The following ADGRL2 variants were observed in gnomAD, a reference collection of about 807,000 sequenced individuals.
ADGRL2 encodes the protein adhesion G protein-coupled receptor L2.
In ADGRL2, 44 loss-of-function variants were observed where a neutral mutation model predicts 157.4. The observed-to-expected ratio is 0.28, with a 90% CI of 0.22 to 0.36. The LOEUF is 0.36. Ranked by LOEUF, ADGRL2 falls within the 10% of genes least tolerant of loss-of-function variation. The pLI, the probability that ADGRL2 is intolerant of heterozygous loss-of-function variation, is 1.00. For synonymous variants in ADGRL2, 585 were observed against 624.7 expected, an observed-to-expected ratio of 0.94 and a Z score of 0.95; for missense variants, 1,510 against 1,768.9, an observed-to-expected ratio of 0.85 and a Z score of 2.63.
chr1:81,859,231 T>C (rs1166946057), intron 2 of ADGRL2, among the ~76,000 whole-genome samples: 2 of 152,168 alleles, frequency 1.3e-5, no homozygotes, highest in Admixed American at 1.3e-4. Context: ...TGATTTTGTA[T>C]ACATGTATTT....
intron 3 of ADGRL2, among the ~76,000 whole-genome samples, chr1:81,650,022 A>C (rs1405532619): frequency 6.6e-6 from 1 of 150,644 alleles, no homozygotes; most frequent in Non-Finnish European, 1.5e-5. Flanking sequence ...TTGTGGGGTT[A>C]TTTGTGGGTG....
intron 1 of ADGRL2, among the ~76,000 whole-genome samples, chr1:81,343,386 G>A (rs1050561453): frequency 1.3e-5 from 2 of 151,812 alleles, no homozygotes; most frequent in African/African-American, 4.8e-5. Context: ...CACTGGGCCT[G>A]GCCAACAATC....
chr1:81,322,939 C>A (rs1033790176), intron 1 of ADGRL2, among the ~76,000 whole-genome samples: 1 of 150,940 alleles, frequency 6.6e-6, no homozygotes, highest in African/African-American at 2.4e-5. Flanking sequence ...CTCACTGCAA[C>A]CTCCCACTCT....
chr1:81,822,802 C>G (rs1297514258), intron 1 of ADGRL2, among the ~76,000 whole-genome samples: 1 of 152,052 alleles, frequency 6.6e-6, no homozygotes. Context: ...AATTCCTAAA[C>G]TTCATGGAGG....
intron 3 of ADGRL2, among the ~76,000 whole-genome samples, chr1:81,645,628 T>G (rs1379467666): frequency 6.6e-6 from 1 of 152,096 alleles, no homozygotes; most frequent in East Asian, 1.9e-4. Context: ...GAGAAGCATC[T>G]TTTTTTAACT....
chr1:81,906,417 A>G (rs142792988), intron 2 of ADGRL2, among the ~76,000 whole-genome samples: 3,691 of 152,248 alleles, frequency 0.024, 144 homozygotes, highest in African/African-American at 0.084. Context: ...GAGCAGTGCT[A>G]GCTCCTTTGA....
intron 2 of ADGRL2, among the ~76,000 whole-genome samples, chr1:81,551,170 C>A (rs2080136593): frequency 6.6e-6 from 1 of 152,090 alleles, no homozygotes; most frequent in African/African-American, 2.4e-5. Context: ...TAGGTGGAAA[C>A]TAGAATTTTT....
chr1:81,568,976 G>A (rs889755296), intron 2 of ADGRL2, among the ~76,000 whole-genome samples: 2 of 151,824 alleles, frequency 1.3e-5, no homozygotes, highest in African/African-American at 4.8e-5. Context: ...CTGATCTATC[G>A]CATCCCCTTT....
intron 1 of ADGRL2, among the ~76,000 whole-genome samples, chr1:81,822,742 T>C (rs1336797855): frequency 6.6e-6 from 1 of 152,138 alleles, no homozygotes; most frequent in Non-Finnish European, 1.5e-5. Context: ...TAATTTCACA[T>C]TTTGAGATAA....
intron 1 of ADGRL2, among the ~76,000 whole-genome samples, chr1:81,811,383 A>T (rs1040913609): frequency 6.6e-6 from 1 of 151,860 alleles, no homozygotes; most frequent in African/African-American, 2.4e-5. Flanking sequence ...GTCAGTATTT[A>T]CATGTTATCA....
At chr1:81,622,523 G>C (rs2081818082) in intron 3 of ADGRL2, among the ~76,000 whole-genome samples, 1 of 152,212 alleles carries the variant, frequency 6.6e-6, no homozygotes, top group Non-Finnish European at 1.5e-5. Context: ...GGAAGTTTCA[G>C]TGAGCCAAGA....
chr1:81,501,944 G>A lies in ADGRL2; in HGVS notation c.-248+56855G>A, dbSNP rs368866373. ...GGTCACGCAGCCGACTCTCTTTTCC[G>A]CCACAGCTGGGAGACCTTCTGGCAG... On this transcript the variant is annotated intron_variant, in intron 2 of 24. Transcript: ENST00000370721. 52 of 1,613,776 alleles carry A rather than the reference G, an allele frequency of 3.2e-5. No homozygotes were observed. The East Asian group carries it at 5.1e-4, about 16-fold the overall frequency.
intron 1 of ADGRL2, among the ~76,000 whole-genome samples, chr1:81,417,794 T>C (rs1325717249): frequency 6.6e-6 from 1 of 152,214 alleles, no homozygotes; most frequent in African/African-American, 2.4e-5. Context: ...ATTTGAATAT[T>C]ATCATAGTGT....
Position 81,943,609 on chromosome 1 carries a change from C to G in ADGRL2, c.1050C>G (p.Thr350=), listed in dbSNP as rs777492269. 6.2e-7 allele frequency: 1 copy of G among 1,613,620 alleles called. No homozygotes were observed. Among genetic ancestry groups the G allele is most frequent in the Admixed American group, 1.7e-5 (1 of 59,944 alleles). ...ACTCAATTGATTACATTTATAATAC[C>G]CGATTAAACCGAGGAGAATATGTAG... The part of the protein sequence containing the change: ...GKNSIDYIYN[T]RLNRGEYVDV... The change falls in exon 6 of 24, where the codon ACC becomes ACG. Residue 350 remains threonine (T), a synonymous_variant. Coordinates refer to ENST00000686636, the MANE Select transcript of ADGRL2 (RefSeq NM_001366006.2). The surrounding 1 kb of genome is among the most constrained non-coding windows in gnomAD (Gnocchi z 5.6).
upstream of ADGRL2, among the ~76,000 whole-genome samples, chr1:81,799,580 GATAGGTATTTAGGATCTTCATGT>G (rs2087777463): frequency 6.6e-6 from 1 of 152,126 alleles, no homozygotes; most frequent in Non-Finnish European, 1.5e-5. Context: ...ACAAAATACT[GATAGGTATTTAGGATCTTCATGT>G]ATTTTGAACA....
intron 2 of ADGRL2, among the ~76,000 whole-genome samples, chr1:81,526,691 C>A (rs2079465398): frequency 6.6e-6 from 1 of 152,130 alleles, no homozygotes; most frequent in Admixed American, 6.5e-5. Flanking sequence ...ATTTTTTCTG[C>A]TTTAAAAACA....
In ADGRL2 at chr1:81,851,734, T is replaced by TTGTGTGTGTGTGTG. The variant is rs5775643; in HGVS notation, c.73+14693_73+14706dup. On this transcript the variant is annotated intron_variant, in intron 2 of 23. Coordinates refer to ENST00000686636, the MANE Select transcript of ADGRL2 (RefSeq NM_001366006.2). Reference sequence around the variant, plus strand: ...AATTGTCATAAAATGCCACTTAAATTTGTGTGTGTGTGTGTGTGTGTGTGT... The same window carrying TTGTGTGTGTGTGTG: ...AATTGTCATAAAATGCCACTTAAATTTGTGTGTGTGTGTGTGTGTGTGTGTGTGTGTGTGTGTGT... Among the ~76,000 whole-genome samples, 1,236 of 146,394 alleles carry TTGTGTGTGTGTGTG rather than the reference T, an allele frequency of 8.4e-3. 8 individuals carry two copies. Among genetic ancestry groups the TTGTGTGTGTGTGTG allele is most frequent in the South Asian group, 0.042 (190 of 4,516 alleles).
chr1:81,605,466 A>T (rs947746964), intron 3 of ADGRL2, among the ~76,000 whole-genome samples: 2 of 152,238 alleles, frequency 1.3e-5, no homozygotes, highest in African/African-American at 4.8e-5. Context: ...CATACGAAAG[A>T]CACTTAAAGG....
At chr1:81,840,984 C>G (rs930519289) in intron 2 of ADGRL2, among the ~76,000 whole-genome samples, 3 of 151,940 alleles carry the variant, frequency 2.0e-5, no homozygotes, top group African/African-American at 7.3e-5. Context: ...TTTTTGTGTC[C>G]TAGAGAATTA....
Sources: allele counts gnomAD v4.1 joint callset (sites outside exome capture counted in the v4.1 genomes callset), GRCh38; gene constraint gnomAD v4.1.1; non-coding constraint Gnocchi (gnomAD v3.1); transcripts MANE v1.5; gene names NCBI Gene and HGNC (gene_info 2026-07-23, HGNC 2026-07-21).